The following GCH1 variants were observed in gnomAD, a reference collection of about 807,000 sequenced individuals.
The protein encoded by GCH1 is GTP cyclohydrolase 1, also known as GTP cyclohydrolase I.
In GCH1, 5 loss-of-function variants were observed where a neutral mutation model predicts 25.9. The observed-to-expected ratio is 0.19, with a 90% CI of 0.10 to 0.41. The LOEUF (loss-of-function observed/expected upper bound fraction) is 0.41. Ranked by LOEUF, GCH1 falls within the 10% of genes least tolerant of loss-of-function variation. The pLI, the probability that GCH1 is intolerant of heterozygous loss-of-function variation, is 1.00. For missense variants in GCH1, 261 were observed against 336.5 expected (o/e 0.78, Z 1.75); for synonymous variants, 159 against 129.6 (o/e 1.23, Z -1.54).
intron 1 of GCH1, among the ~76,000 whole-genome samples, chr14:54,902,059 C>A (rs1212405887): frequency 6.6e-6 from 1 of 152,148 alleles, no homozygotes; most frequent in Admixed American, 6.5e-5. Flanking sequence ...AGGAGGGCTG[C>A]GCGCTGGGAG....
At chr14:54,849,273 T>C (rs1252797857) in intron 3 of GCH1, among the ~76,000 whole-genome samples, 2 of 152,240 alleles carry the variant, frequency 1.3e-5, no homozygotes, top group Admixed American at 6.5e-5. Context: ...TAGTTTTCTT[T>C]TACAAGTGAG....
At position 54,880,556 on chromosome 14, in the gene GCH1, TATATATATACTCCATATATATATACTCC is replaced by T. The variant is rs1566676920; in HGVS notation, c.344-15148_344-15121del. 4.8e-5 allele frequency among the ~76,000 whole-genome samples: 4 copies of T among 82,860 alleles called. 1 individual carries two copies. Among genetic ancestry groups the T allele is most frequent in the Non-Finnish European group, 6.6e-5 (3 of 45,170 alleles). 54.4% of individuals were successfully genotyped at this position (82,860 alleles called of 152,430 possible). ...ATACTCCATATATATATATACTCCA[TATATATATACTCCATATATATATACTCC>T]ATATATATATACTCCATATATATAT... On this transcript the variant is annotated intron_variant, in intron 1 of 5. Coordinates refer to ENST00000491895, the MANE Select transcript of GCH1 (RefSeq NM_000161.3).
chr14:54,845,738 T>A (rs781047698), intron 5 of GCH1, 30 bp downstream of exon 5: 1 of 1,206,882 alleles, frequency 8.3e-7, no homozygotes, highest in Non-Finnish European at 1.2e-6. Context: ...TGCACCATTA[T>A]GACGTTACTA....
intron 1 of GCH1, among the ~76,000 whole-genome samples, chr14:54,870,276 T>C (rs149435668): frequency 6.8e-4 from 97 of 142,584 alleles, no homozygotes; most frequent in African/African-American, 2.2e-3. Context: ...GGTGAGAACA[T>C]TGCTAGAGGC....
At chr14:54,880,376 T>TA (rs2040228844) in intron 1 of GCH1, among the ~76,000 whole-genome samples, 1 of 143,152 alleles carries the variant, frequency 7.0e-6, no homozygotes, top group Non-Finnish European at 1.5e-5. Context: ...ATATATTTTA[T>TA]ATATAATATA....
intron 2 of GCH1, among the ~76,000 whole-genome samples, chr14:54,861,334 T>C (rs555695639): frequency 6.6e-6 from 1 of 152,312 alleles, no homozygotes; most frequent in Admixed American, 6.5e-5. Context: ...ACCAAGGTCT[T>C]CTATGCTGTC....
intron 3 of GCH1, among the ~76,000 whole-genome samples, chr14:54,855,505 CAAAA>C (rs764999718): frequency 3.8e-4 from 14 of 36,430 alleles, no homozygotes; most frequent in African/African-American, 1.2e-3. Flanking sequence ...GACCCTGTCT[CAAAA>C]AAAAAAAAAA....
At chr14:54,871,681 C>T (rs562161665) in intron 1 of GCH1, among the ~76,000 whole-genome samples, 122 of 152,030 alleles carry the variant, frequency 8.0e-4, no homozygotes, top group African/African-American at 2.7e-3. Flanking sequence ...AACCATGGCA[C>T]GAGAACTACG....
intron 3 of GCH1, among the ~76,000 whole-genome samples, chr14:54,849,726 G>A (rs952271545): frequency 3.9e-5 from 6 of 152,042 alleles, no homozygotes; most frequent in African/African-American, 1.5e-4. Context: ...TTTCAATTAA[G>A]GGCATATTAT....
intron 4 of GCH1, among the ~76,000 whole-genome samples, 179 bp downstream of exon 4, chr14:54,846,920 G>C (rs1015924461): frequency 2.0e-5 from 3 of 152,014 alleles, no homozygotes; most frequent in Non-Finnish European, 4.4e-5. Context: ...AATTAGCCAA[G>C]GCATGGTGAT....
chr14:54,901,708 G>A (rs1477948689), intron 1 of GCH1, among the ~76,000 whole-genome samples: 2 of 152,074 alleles, frequency 1.3e-5, no homozygotes, highest in African/African-American at 4.8e-5. Flanking sequence ...GGGGAAGCCC[G>A]TGCCCAAAAT....
chr14:54,873,003 C>A (rs1348272625), intron 1 of GCH1, among the ~76,000 whole-genome samples: 1 of 151,746 alleles, frequency 6.6e-6, no homozygotes, highest in Non-Finnish European at 1.5e-5. Context: ...CCAAGCAGAC[C>A]TAACAGACAT....
At position 54,843,165 on chromosome 14, in the gene GCH1, C is replaced by T. The variant is rs1477917666; in HGVS notation, c.*852G>A. ...TTTTGAGGCATCTACATGGATCACA[C>T]AAAGGAAACTCAATAAACCTATAAA... is the stretch of plus-strand genomic sequence containing the variant. On this transcript the variant is annotated 3_prime_UTR_variant, in exon 6 of 6. Coordinates refer to ENST00000491895, the MANE Select transcript of GCH1 (RefSeq NM_000161.3). 1.3e-6 allele frequency: 2 copies of T among 1,504,050 alleles called. No homozygotes were observed. The highest frequency in any genetic ancestry group is 1.8e-6 in the Non-Finnish European group (2 of 1,126,172). The allele number at this position is 1,504,050 out of a possible 1,614,324, so 93.2% of individuals were successfully genotyped here. A position where few individuals can be genotyped will look rare whatever the true frequency, so the allele number is the denominator to read the frequency against.
chr14:54,858,390 A>G (rs1217106344), intron 3 of GCH1, among the ~76,000 whole-genome samples: 1 of 152,100 alleles, frequency 6.6e-6, no homozygotes, highest in African/African-American at 2.4e-5. Flanking sequence ...GGTTCAAGTA[A>G]TTCTCCTGCC....
intron 1 of GCH1, among the ~76,000 whole-genome samples, chr14:54,872,319 G>A (rs1424459926): frequency 2.0e-5 from 3 of 152,024 alleles, no homozygotes; most frequent in Non-Finnish European, 4.4e-5. Flanking sequence ...TCACCACCAC[G>A]CCTGCCCTAC....
chr14:54,843,507 A>C lies in GCH1; in HGVS notation c.*510T>G. 1 of 1,292,020 alleles carries C rather than the reference A, an allele frequency of 7.7e-7. No individual in the cohort carries two copies. The highest frequency in any genetic ancestry group is 9.8e-7 in the Non-Finnish European group (1 of 1,020,832). The allele number at this position is 1,292,020 out of a possible 1,614,324, so 80.0% of individuals were successfully genotyped here. Reference sequence around the variant, plus strand: ...TACGACTGCTAAAAATATATTTTTAAATGTCACTGGTGGTTTAATAAACAT... The same window carrying C: ...TACGACTGCTAAAAATATATTTTTACATGTCACTGGTGGTTTAATAAACAT... On this transcript the variant is annotated 3_prime_UTR_variant, in exon 6 of 6. Coordinates refer to ENST00000491895, the MANE Select transcript of GCH1 (RefSeq NM_000161.3).
At chr14:54,889,591 C>T (rs1364864749) in intron 1 of GCH1, among the ~76,000 whole-genome samples, 1 of 152,222 alleles carries the variant, frequency 6.6e-6, no homozygotes, top group African/African-American at 2.4e-5. Flanking sequence ...AATTTCCTCA[C>T]CTAAACCTGG....
intron 1 of GCH1, among the ~76,000 whole-genome samples, chr14:54,897,640 C>G (rs2040506939): frequency 6.6e-6 from 1 of 151,990 alleles, no homozygotes; most frequent in South Asian, 2.1e-4. Flanking sequence ...TTGAAATATA[C>G]AGATAGGGTA....
intron 1 of GCH1, chr14:54,884,810 A>C (rs2040327004): frequency 6.6e-6 from 1 of 152,634 alleles, no homozygotes; most frequent in African/African-American, 2.4e-5. Context: ...AAAAAAAAAG[A>C]TTACACAGTA....
Sources: gnomAD v4.1 joint callset for allele counts (sites outside exome capture counted in the v4.1 genomes callset) on GRCh38, gnomAD v4.1.1 for gene constraint, MANE v1.5 for transcripts, NCBI Gene and HGNC (gene_info 2026-07-23, HGNC 2026-07-21) for gene names.